Variants in CABIN1 observed in about 807,000 individuals in gnomAD.
The protein encoded by CABIN1 is calcineurin binding protein 1.
Under a neutral mutation model 227.7 loss-of-function variants are expected in CABIN1, and 133 were observed. That is an observed-to-expected ratio of 0.58 (90% CI 0.51 to 0.67). CABIN1 has a LOEUF of 0.67. Ranked by LOEUF, CABIN1 falls within the 30% of genes least tolerant of loss-of-function variation. CABIN1 has a pLI of 0.00. For synonymous variants in CABIN1, 1,086 were observed against 1,155.1 expected (o/e 0.94, Z 1.21); for missense variants, 2,408 against 2,852.5 (o/e 0.84, Z 3.55).
At chr22:24,171,538 C>T (rs112870429) in intron 33 of CABIN1, among the ~76,000 whole-genome samples, 175 bp from the exon 34 acceptor site, 3 of 152,220 alleles carry the variant, frequency 2.0e-5, no homozygotes, top group African/African-American at 4.8e-5. Flanking sequence ...TGGGGTGCCT[C>T]TCTGATGGAC....
intron 18 of CABIN1, among the ~76,000 whole-genome samples, chr22:24,073,787 TG>T (rs34890786): frequency 3.9e-5 from 6 of 152,136 alleles, no homozygotes; most frequent in Non-Finnish European, 7.4e-5. Context: ...GCAGGAGACC[TG>T]GGGCATGGGG....
At chr22:24,147,342 T>C in intron 29 of CABIN1, among the ~76,000 whole-genome samples, 1 of 113,472 alleles carries the variant, frequency 8.8e-6, no homozygotes, top group Non-Finnish European at 1.8e-5. Context: ...CCTCCCTCCC[T>C]CCCTGCCTCC....
intron 23 of CABIN1, among the ~76,000 whole-genome samples, chr22:24,089,617 G>A (rs1460157520): frequency 6.6e-6 from 1 of 152,172 alleles, no homozygotes; most frequent in Non-Finnish European, 1.5e-5. Flanking sequence ...TCCACCTCTG[G>A]AGAGACAGCT....
chr22:24,106,279 G>T (rs945853929), intron 26 of CABIN1, among the ~76,000 whole-genome samples: 1 of 152,238 alleles, frequency 6.6e-6, no homozygotes, highest in Non-Finnish European at 1.5e-5. Flanking sequence ...CCCTTCCTTG[G>T]CTGCAGGTCT....
At chr22:24,143,402 C>T (rs1319881288) in intron 29 of CABIN1, among the ~76,000 whole-genome samples, 1 of 152,218 alleles carries the variant, frequency 6.6e-6, no homozygotes, top group African/African-American at 2.4e-5. Context: ...TGGCATCAAG[C>T]AGGGATTCCC....
chr22:24,156,130 G>A (rs555968354), intron 29 of CABIN1: 3 of 397,372 alleles, frequency 7.5e-6, no homozygotes, highest in Admixed American at 4.5e-5. Context: ...TGGGGCCGGG[G>A]CTGGGGCTGC....
chr22:24,167,357 C>A, intron 32 of CABIN1, 44 bp downstream of exon 32: 1 of 1,571,794 alleles, frequency 6.4e-7, no homozygotes, highest in Non-Finnish European at 8.7e-7. Context: ...CTGCTGGCAG[C>A]ATCCCCACTC....
At chr22:24,028,628 A>G (rs2036270600) in intron 1 of CABIN1, among the ~76,000 whole-genome samples, 1 of 152,090 alleles carries the variant, frequency 6.6e-6, no homozygotes, top group African/African-American at 2.4e-5. Context: ...TGACTATTCC[A>G]TCCTTAGGAA....
At chr22:24,031,389 A>C (rs1046894216) in intron 1 of CABIN1, among the ~76,000 whole-genome samples, 2 of 152,194 alleles carry the variant, frequency 1.3e-5, no homozygotes. Context: ...TCGCCATTTT[A>C]TATACAAGGA....
rs77961884 is a variant in CABIN1, at chr22:24,096,041, T to C, written c.3897T>C (p.Phe1299=). 5.5e-4 allele frequency: 888 copies of C among 1,614,164 alleles called. 7 individuals carry two copies. The East Asian group carries it at 0.019, about 34-fold the overall frequency. The part of the protein sequence containing the change: ...NFMKEAAEGP[F]ARGEEKNTPK... Reference sequence around the variant, plus strand: ...TGAAGGAGGCTGCAGAAGGACCCTTTGCCAGGGGCGAGGAGAAGAACACAC... The same window carrying C: ...TGAAGGAGGCTGCAGAAGGACCCTTCGCCAGGGGCGAGGAGAAGAACACAC... Residue 1299 remains phenylalanine (F), a synonymous_variant, in exon 25 of 37, where the codon TTT becomes TTC. Transcript: ENST00000263119.
chr22:24,052,527 A>G (rs2038420978), intron 8 of CABIN1, among the ~76,000 whole-genome samples: 1 of 151,766 alleles, frequency 6.6e-6, no homozygotes, highest in Non-Finnish European at 1.5e-5. Context: ...ATGGTGGCTA[A>G]CGCCTATAAT....
intron 28 of CABIN1, among the ~76,000 whole-genome samples, chr22:24,131,325 C>T (rs2044062716): frequency 6.6e-6 from 1 of 152,190 alleles, no homozygotes; most frequent in South Asian, 2.1e-4. Flanking sequence ...GGGGTCATGA[C>T]TCTTGGGTAA....
intron 26 of CABIN1, among the ~76,000 whole-genome samples, chr22:24,099,927 C>T (rs1380927670): frequency 3.3e-5 from 5 of 152,176 alleles, no homozygotes; most frequent in Admixed American, 6.5e-5. Context: ...GAGGCAGGAG[C>T]GCCTCAGAAA....
chr22:24,027,820 T>C (rs57818887), intron 1 of CABIN1, among the ~76,000 whole-genome samples: 1,759 of 152,370 alleles, frequency 0.012, 27 homozygotes, highest in African/African-American at 0.04. Context: ...TCCAGGACTG[T>C]GAGCCAATAC....
intron 1 of CABIN1, among the ~76,000 whole-genome samples, chr22:24,020,538 G>A (rs1321241560): frequency 6.6e-6 from 1 of 151,800 alleles, no homozygotes; most frequent in African/African-American, 2.4e-5. Flanking sequence ...TGCCCAGACT[G>A]GTCTCAAACT....
rs536067115 is a variant in CABIN1, at chr22:24,017,971, A to G, written c.-75+6604A>G. Among the ~76,000 whole-genome samples the G allele has an allele frequency of 4.6e-5, 7 of 152,108 alleles. No individual in the cohort carries two copies. In the East Asian group the frequency reaches 9.6e-4, roughly 21 times the overall value. ...ACTGTAGCCTCAACCTTCTACCTCA[A>G]CTGCCCTGAGTAGCTGGGACTACAG... On this transcript the variant is annotated intron_variant, in intron 1 of 36. Transcript: ENST00000263119.
At chr22:24,124,579 C>T (rs552589562) in intron 28 of CABIN1, among the ~76,000 whole-genome samples, 8 of 152,338 alleles carry the variant, frequency 5.3e-5, no homozygotes, top group South Asian at 2.1e-4. Flanking sequence ...TTCTAGCTAC[C>T]GTATCACTTA....
In CABIN1 at chr22:24,167,094, C is replaced by T; in HGVS notation, c.5463C>T (p.Ala1821=). The T allele has an allele frequency of 6.5e-7, 1 of 1,545,998 alleles. No individual in the cohort carries two copies. The highest frequency in any genetic ancestry group is 8.7e-7 in the Non-Finnish European group (1 of 1,145,552). ...TPLTPAQPAP[A]PAPATTTGTR... is the part of the protein sequence containing the mutation. ...TCACCCCAGCCCAGCCAGCCCCCGC[C>T]CCCGCCCCCGCCACCACCACAGGGA... The change falls in exon 32 of 37, where the codon GCC becomes GCT. Residue 1821 remains alanine (A), a synonymous_variant. Coordinates refer to ENST00000263119, the MANE Select transcript of CABIN1 (RefSeq NM_012295.4).
chr22:24,130,610 CT>C (rs2044014585), intron 28 of CABIN1, among the ~76,000 whole-genome samples: 1 of 152,258 alleles, frequency 6.6e-6, no homozygotes, highest in African/African-American at 2.4e-5. Context: ...CCCCTTCCCC[CT>C]TGCAGAGGTT....
Sources: allele counts gnomAD v4.1 joint callset (sites outside exome capture counted in the v4.1 genomes callset), GRCh38; gene constraint gnomAD v4.1.1; transcripts MANE v1.5; gene names NCBI Gene and HGNC (gene_info 2026-07-23, HGNC 2026-07-21).